TWIST2: variants seen among roughly 807,000 people sequenced by gnomAD.
The protein encoded by TWIST2 is twist-related protein 2.
Under a neutral mutation model 11.6 loss-of-function variants are expected in TWIST2, and 1 was observed. The observed-to-expected ratio is 0.09, with a 90% CI of 0.03 to 0.41. The LOEUF is 0.41. TWIST2 is among the 10% of genes least tolerant of loss of function. TWIST2 has a pLI of 0.98. For missense variants in TWIST2, 168 were observed against 226.4 expected (o/e 0.74, Z 1.66); for synonymous variants, 87 against 96.6 (o/e 0.90, Z 0.58).
At chr2:238,895,131 C>G (rs1194743443) in intron 1 of TWIST2, among the ~76,000 whole-genome samples, 1 of 152,222 alleles carries the variant, frequency 6.6e-6, no homozygotes, top group African/African-American at 2.4e-5. Context: ...GCCGCTGCCA[C>G]TGAGAAGGCT....
chr2:238,900,423 C>T (rs1027273038), intron 1 of TWIST2, among the ~76,000 whole-genome samples: 2 of 152,198 alleles, frequency 1.3e-5, no homozygotes, highest in African/African-American at 2.4e-5. Flanking sequence ...CAAGATTTTC[C>T]TTACAGCCAC....
intron 1 of TWIST2, among the ~76,000 whole-genome samples, chr2:238,851,448 TG>T (rs1420411286): frequency 6.6e-6 from 1 of 152,140 alleles, no homozygotes; most frequent in Non-Finnish European, 1.5e-5. Flanking sequence ...GCTTGGAGGG[TG>T]GGGGAAGGTG....
rs561335977 is a variant in TWIST2 at position 238,885,015 on chromosome 2, G to A, written c.*36-24827G>A. ...AATGTCCACACGCTCGTGGAGACAC[G>A]TTTCTCCTGAGAAGCCTGGAGCGGG... is the stretch of plus-strand genomic sequence containing the variant. On this transcript the variant is annotated intron_variant, in intron 1 of 1. Coordinates refer to ENST00000612363, the MANE Select transcript of TWIST2 (RefSeq NM_001271893.4). 1.6e-4 allele frequency among the ~76,000 whole-genome samples: 25 copies of A among 152,336 alleles called. No homozygotes were observed. In the East Asian group the frequency reaches 1.7e-3, roughly 11 times the overall value.
At chr2:238,877,827 AAG>A (rs1692834253) in intron 1 of TWIST2, among the ~76,000 whole-genome samples, 1 of 152,222 alleles carries the variant, frequency 6.6e-6, no homozygotes, top group South Asian at 2.1e-4. Context: ...CTGGAAGACT[AAG>A]AGAGCAAACA....
At chr2:238,896,310 C>T (rs903427356) in intron 1 of TWIST2, among the ~76,000 whole-genome samples, 4 of 152,212 alleles carry the variant, frequency 2.6e-5, no homozygotes, top group Non-Finnish European at 2.9e-5. Context: ...GCACGGGAGA[C>T]GTCCATAGCA....
intron 1 of TWIST2, among the ~76,000 whole-genome samples, chr2:238,901,043 T>A (rs1390691426): frequency 1.0e-4 from 15 of 143,750 alleles, no homozygotes; most frequent in African/African-American, 3.8e-4. Context: ...ACAGTGGCAA[T>A]CTCAGCTCAC....
intron 1 of TWIST2, among the ~76,000 whole-genome samples, chr2:238,880,042 T>C (rs879730006): frequency 2.6e-5 from 4 of 152,222 alleles, no homozygotes; most frequent in African/African-American, 4.8e-5. Flanking sequence ...AGGGCGTTAT[T>C]TAGTGTGAGT....
At chr2:238,850,609 G>A (rs1692224988) in intron 1 of TWIST2, among the ~76,000 whole-genome samples, 1 of 151,922 alleles carries the variant, frequency 6.6e-6, no homozygotes, top group Non-Finnish European at 1.5e-5. Context: ...AAAAATAATC[G>A]CACTCCTCAA....
In TWIST2 at chr2:238,869,522, C is replaced by A. The variant is rs1352706542; in HGVS notation, c.*35+20789C>A. Among the ~76,000 whole-genome samples the A allele has an allele frequency of 4.6e-5, 7 of 152,110 alleles. No homozygotes were observed. In the East Asian group the frequency reaches 1.3e-3, roughly 29 times the overall value. On this transcript the variant is annotated intron_variant, in intron 1 of 1. Transcript: ENST00000612363. ...TCAACAATAAAAATTAGATAGCCTGCATAAAAGTAGGCAAAGGCCTTAAAT... is the reference window on the plus strand; with the variant it reads ...TCAACAATAAAAATTAGATAGCCTGAATAAAAGTAGGCAAAGGCCTTAAAT...
intron 1 of TWIST2, among the ~76,000 whole-genome samples, chr2:238,853,914 C>T (rs544084550): frequency 1.3e-5 from 2 of 152,290 alleles, no homozygotes; most frequent in African/African-American, 2.4e-5. Context: ...GATGAGAGAG[C>T]GCGGCTGCGT....
chr2:238,909,573 A>AGAAAGGGCACTCGGGGGCAG (rs1201509126), intron 1 of TWIST2, among the ~76,000 whole-genome samples: 7 of 152,012 alleles, frequency 4.6e-5, no homozygotes, highest in African/African-American at 1.7e-4. Context: ...GGTGAGTGTG[A>AGAAAGGGCACTCGGGGGCAG]GAAAGGGCAC....
At chr2:238,902,553 T>C (rs1011739233) in intron 1 of TWIST2, among the ~76,000 whole-genome samples, 1 of 147,730 alleles carries the variant, frequency 6.8e-6, no homozygotes, top group Non-Finnish European at 1.5e-5. Context: ...TGCATGTGTG[T>C]GCGATGTGGG....
At chr2:238,868,455 G>A (rs1268016511) in intron 1 of TWIST2, among the ~76,000 whole-genome samples, 1 of 152,210 alleles carries the variant, frequency 6.6e-6, no homozygotes, top group Non-Finnish European at 1.5e-5. Context: ...AGCCTCAGTG[G>A]GGGATGGGGG....
chr2:238,880,817 G>T (rs1332853032), intron 1 of TWIST2, among the ~76,000 whole-genome samples: 2 of 123,790 alleles, frequency 1.6e-5, no homozygotes, highest in African/African-American at 6.0e-5. Flanking sequence ...TAGTATTAGT[G>T]TTAGTATTTA....
chr2:238,898,037 C>T (rs1693225153), intron 1 of TWIST2, among the ~76,000 whole-genome samples: 1 of 152,212 alleles, frequency 6.6e-6, no homozygotes, highest in Non-Finnish European at 1.5e-5. Context: ...CTGGCCTGCC[C>T]CCAGGCCCTC....
At chr2:238,873,945 C>T (rs1692758728) in intron 1 of TWIST2, among the ~76,000 whole-genome samples, 1 of 152,138 alleles carries the variant, frequency 6.6e-6, no homozygotes, top group South Asian at 2.1e-4. Flanking sequence ...GGGTTGGTGG[C>T]CTGCTCTAAA....
chr2:238,896,895 G>A (rs1215854672), intron 1 of TWIST2, among the ~76,000 whole-genome samples: 1 of 152,204 alleles, frequency 6.6e-6, no homozygotes, highest in Non-Finnish European at 1.5e-5. Context: ...ACAGAGACAA[G>A]GGGGTCCTGC....
At chr2:238,881,888 G>C (rs1692942691) in intron 1 of TWIST2, among the ~76,000 whole-genome samples, 2 of 152,114 alleles carry the variant, frequency 1.3e-5, no homozygotes. Flanking sequence ...TGTGTGCCTG[G>C]GTTTTCCATC....
rs1451822896 is a variant in TWIST2 at position 238,863,913 on chromosome 2, G to GGCAT, written c.*35+15181_*35+15184dup. On this transcript the variant is annotated intron_variant, in intron 1 of 1. Transcript: ENST00000612363. The surrounding 1 kb of genome is among the most constrained non-coding windows in gnomAD (Gnocchi z 4.7). ...GAGTAGGTCTACCCCCTATCCTGGG[G>GGCAT]GCATCCCTGTGTGCCAGCTTCTCCA... 1.3e-5 allele frequency among the ~76,000 whole-genome samples: 2 copies of GGCAT among 152,084 alleles called. No homozygotes were observed. The highest frequency in any genetic ancestry group is 2.9e-5 in the Non-Finnish European group (2 of 68,030).
Sources: allele counts gnomAD v4.1 joint callset (sites outside exome capture counted in the v4.1 genomes callset), GRCh38; gene constraint gnomAD v4.1.1; non-coding constraint Gnocchi (gnomAD v3.1); transcripts MANE v1.5; gene names NCBI Gene and HGNC (gene_info 2026-07-23, HGNC 2026-07-21).